The following PLEKHG1 variants were observed in gnomAD, a reference collection of about 807,000 sequenced individuals.
The protein encoded by PLEKHG1 is pleckstrin homology and RhoGEF domain containing G1, also known as pleckstrin homology domain-containing family G member 1.
A neutral mutation model predicts 100.8 loss-of-function variants in PLEKHG1; 44 were observed. That is an observed-to-expected ratio of 0.44 (90% CI 0.34 to 0.56). The LOEUF is 0.56. PLEKHG1 is among the 20% of genes least tolerant of loss of function. The pLI, the probability that PLEKHG1 is intolerant of heterozygous loss-of-function variation, is 0.01. For synonymous variants in PLEKHG1, 640 were observed against 662.5 expected (o/e 0.97, Z 0.52); for missense variants, 1,545 against 1,720.9 (o/e 0.90, Z 1.81).
chr6:150,605,889 G>A (rs1776580629), intron 1 of PLEKHG1: 1 of 152,172 alleles, frequency 6.6e-6, no homozygotes, highest in South Asian at 2.1e-4. Flanking sequence ...GTGTGTTCTA[G>A]CATCAGTGAA....
intron 6 of PLEKHG1, among the ~76,000 whole-genome samples, chr6:150,803,499 G>C (rs888908835): frequency 6.6e-6 from 1 of 152,146 alleles, no homozygotes; most frequent in East Asian, 1.9e-4. Flanking sequence ...GACTCTTGAG[G>C]ATCTAGGAAC....
Position 150,768,673 on chromosome 6 carries a change from TC to T in PLEKHG1, c.451del (p.Leu151TrpfsTer37). On this transcript the variant is annotated frameshift_variant, in exon 3 of 16. Transcript: ENST00000358517. LOFTEE classifies it high-confidence loss of function. ...ACTGCATCAGGGACCAAACAAAACT[TC>T]CCCTGGGGACCGAAGAAAGATCAGC... The T allele has an allele frequency of 6.2e-7, 1 of 1,612,906 alleles. No homozygotes were observed. The highest frequency in any genetic ancestry group is 8.5e-7 in the Non-Finnish European group (1 of 1,178,952).
chr6:150,599,890 TGAGCCCGAGCCC>T (rs1029383950), exon 1 of PLEKHG1: 7 of 181,656 alleles, frequency 3.9e-5, no homozygotes, highest in South Asian at 9.2e-5. Context: ...AGCCCGAGCC[TGAGCCCGAGCCC>T]GAGCCCGACG....
At chr6:150,723,367 C>G (rs886215798) in intron 1 of PLEKHG1, among the ~76,000 whole-genome samples, 2 of 152,186 alleles carry the variant, frequency 1.3e-5, no homozygotes, top group Admixed American at 1.3e-4. Context: ...ATATGCATTC[C>G]TGTGCACACA....
intron 3 of PLEKHG1, among the ~76,000 whole-genome samples, chr6:150,660,958 A>C (rs1446716323): frequency 6.6e-6 from 1 of 152,208 alleles, no homozygotes; most frequent in Non-Finnish European, 1.5e-5. Flanking sequence ...AATGTTGCTA[A>C]ATTGAACTGT....
At chr6:150,649,457 C>T (rs752002661) in intron 2 of PLEKHG1, among the ~76,000 whole-genome samples, 1 of 152,242 alleles carries the variant, frequency 6.6e-6, no homozygotes, top group Non-Finnish European at 1.5e-5. Flanking sequence ...ATTCATCCCT[C>T]AATCAACTGG....
upstream of PLEKHG1, among the ~76,000 whole-genome samples, chr6:150,717,861 A>C (rs1382220288): frequency 6.6e-6 from 1 of 152,166 alleles, no homozygotes; most frequent in African/African-American, 2.4e-5. Context: ...AGATCACCTG[A>C]GATCAGGAGT....
intron 1 of PLEKHG1, among the ~76,000 whole-genome samples, chr6:150,603,387 T>A (rs1776450479): frequency 6.6e-6 from 1 of 152,008 alleles, no homozygotes; most frequent in Non-Finnish European, 1.5e-5. Context: ...GACAGAAGAG[T>A]CAGCTTTCAA....
At chr6:150,735,100 C>T (rs1458756497) in intron 2 of PLEKHG1, among the ~76,000 whole-genome samples, 1 of 151,026 alleles carries the variant, frequency 6.6e-6, no homozygotes, top group East Asian at 2.0e-4. Context: ...AATTCTCCTG[C>T]CTCAGCATCC....
chr6:150,825,550 C>T (rs576634560), intron 14 of PLEKHG1, among the ~76,000 whole-genome samples: 1 of 152,282 alleles, frequency 6.6e-6, no homozygotes, highest in South Asian at 2.1e-4. Context: ...CCAGCCTGGG[C>T]AACAGAGTGA....
intron 3 of PLEKHG1, 34 bp downstream of exon 2, chr6:150,650,820 T>A (rs904785404): frequency 1.1e-4 from 16 of 152,270 alleles, no homozygotes; most frequent in Non-Finnish European, 4.4e-5. Context: ...CCCTTGAGTA[T>A]GAAACATATG....
At chr6:150,733,777 G>C in exon 2 of PLEKHG1, 1 of 1,614,152 alleles carries the variant, frequency 6.2e-7, no homozygotes, top group Non-Finnish European at 8.5e-7. Flanking sequence ...GCAGCAGAAT[G>C]ACCTTAGTTT....
chr6:150,742,306 G>A (rs1035728134), intron 2 of PLEKHG1, among the ~76,000 whole-genome samples: 3 of 152,112 alleles, frequency 2.0e-5, no homozygotes, highest in Admixed American at 6.5e-5. Flanking sequence ...AGTGGCTCAC[G>A]CCTGGAATCC....
intron 15 of PLEKHG1, 115 bp downstream of exon 16, chr6:150,832,320 C>A: frequency 1.2e-6 from 1 of 828,808 alleles, no homozygotes; most frequent in Non-Finnish European, 1.8e-6. Context: ...CAAGCTTTGT[C>A]ATCTCAAAGT....
chr6:150,804,343 G>A (rs1323545846), intron 6 of PLEKHG1, among the ~76,000 whole-genome samples: 5 of 149,414 alleles, frequency 3.3e-5, no homozygotes, highest in South Asian at 4.2e-4. Flanking sequence ...GTGCCACCAC[G>A]CCCAGCTAAT....
chr6:150,628,650 CAG>C (rs1032841760), intron 1 of PLEKHG1, among the ~76,000 whole-genome samples: 1 of 151,460 alleles, frequency 6.6e-6, no homozygotes, highest in African/African-American at 2.4e-5. Flanking sequence ...TGAAAGGACT[CAG>C]GGTTGAATTC....
chr6:150,819,812 G>A (rs1205223685), intron 12 of PLEKHG1, 38 bp downstream of exon 13: 1 of 1,145,402 alleles, frequency 8.7e-7, no homozygotes, highest in Admixed American at 1.7e-5. Flanking sequence ...AATTCTAATG[G>A]GGGACTGGCA....
chr6:150,685,845 G>T (rs999949557), intron 3 of PLEKHG1, among the ~76,000 whole-genome samples: 1 of 152,110 alleles, frequency 6.6e-6, no homozygotes, highest in African/African-American at 2.4e-5. Context: ...AACTAGGGAA[G>T]GGGGGAAAAA....
intron 3 of PLEKHG1, among the ~76,000 whole-genome samples, chr6:150,779,755 A>G (rs1370000245): frequency 1.3e-5 from 2 of 151,740 alleles, no homozygotes; most frequent in African/African-American, 4.8e-5. Context: ...TCATGAGATC[A>G]GGAGATCAAG....
Sources: allele counts gnomAD v4.1 joint callset (sites outside exome capture counted in the v4.1 genomes callset), GRCh38; gene constraint gnomAD v4.1.1; transcripts MANE v1.5; gene names NCBI Gene and HGNC (gene_info 2026-07-23, HGNC 2026-07-21).